ST7: variants seen among roughly 807,000 people sequenced by gnomAD.
ST7 encodes the protein suppression of tumorigenicity 7, also known as suppressor of tumorigenicity 7 protein.
In ST7, 28 loss-of-function variants were observed where a neutral mutation model predicts 78.7. That is an observed-to-expected ratio of 0.36 (90% CI 0.26 to 0.49). The LOEUF is 0.49. ST7 is among the 20% of genes least tolerant of loss of function. ST7 has a pLI of 0.99. For synonymous variants in ST7, 247 were observed against 249.6 expected, an observed-to-expected ratio of 0.99 and a Z score of 0.10; for missense variants, 418 against 696.0, an observed-to-expected ratio of 0.60 and a Z score of 4.49.
chr7:117,010,998 A>G (rs1345508456), intron 1 of ST7, among the ~76,000 whole-genome samples: 1 of 152,162 alleles, frequency 6.6e-6, no homozygotes, highest in Non-Finnish European at 1.5e-5. Context: ...AGCTGTCTCA[A>G]TCAAGTCCTG....
chr7:117,146,795 A>G (rs1805826291), intron 9 of ST7, among the ~76,000 whole-genome samples: 1 of 152,168 alleles, frequency 6.6e-6, no homozygotes, highest in South Asian at 2.1e-4. Context: ...GGGGTGAGAG[A>G]GGTTTTTTGA....
intron 1 of ST7, among the ~76,000 whole-genome samples, chr7:116,970,497 T>A (rs546488241): frequency 1.3e-5 from 2 of 152,304 alleles, no homozygotes; most frequent in African/African-American, 2.4e-5. Context: ...GCAGATGGCC[T>A]TCTCCTTGTG....
rs138091970 is a variant in ST7 at position 117,191,460 on chromosome 7, C to G, written c.1254+524C>G. On this transcript the variant is annotated intron_variant, in intron 12 of 15. Coordinates refer to ENST00000323984, the MANE Select transcript of ST7 (RefSeq NM_001369598.1). Reference sequence around the variant, plus strand: ...AGTGTATATAGTAGAAAATATTTGTCTTAGTTATTAACCACATGGTTGACC... The same window carrying G: ...AGTGTATATAGTAGAAAATATTTGTGTTAGTTATTAACCACATGGTTGACC... Among the ~76,000 whole-genome samples, 598 of 152,194 alleles carry G rather than the reference C, an allele frequency of 3.9e-3. 1 individual carries two copies. Among genetic ancestry groups the G allele is most frequent in the Non-Finnish European group, 6.7e-3 (457 of 67,992 alleles).
At chr7:117,193,105 T>C (rs1809947236) in intron 12 of ST7, among the ~76,000 whole-genome samples, 1 of 151,814 alleles carries the variant, frequency 6.6e-6, no homozygotes, top group African/African-American at 2.4e-5. Flanking sequence ...CACAGATTTC[T>C]AATATACAGT....
chr7:117,055,159 G>A (rs1797997782), intron 1 of ST7, among the ~76,000 whole-genome samples: 2 of 152,026 alleles, frequency 1.3e-5, no homozygotes, highest in African/African-American at 4.8e-5. Flanking sequence ...GGGTACTGTT[G>A]TTATCTCCCA....
chr7:117,215,221 G>C (rs1390821053), intron 13 of ST7, among the ~76,000 whole-genome samples: 1 of 152,064 alleles, frequency 6.6e-6, no homozygotes. Context: ...TTTGACTTTT[G>C]AATTTTCTTT....
chr7:117,131,335 C>T (rs1035110846), intron 5 of ST7, among the ~76,000 whole-genome samples: 2 of 151,752 alleles, frequency 1.3e-5, no homozygotes, highest in Non-Finnish European at 2.9e-5. Context: ...TTGAGCTTCC[C>T]ACCATATGTT....
At chr7:116,976,743 T>C (rs1562988743) in intron 1 of ST7, among the ~76,000 whole-genome samples, 1 of 152,164 alleles carries the variant, frequency 6.6e-6, no homozygotes, top group Non-Finnish European at 1.5e-5. Flanking sequence ...AGGGAGGGTG[T>C]GAAGAATTAT....
intron 12 of ST7, among the ~76,000 whole-genome samples, chr7:117,207,568 A>G (rs1791893371): frequency 6.6e-6 from 1 of 152,222 alleles, no homozygotes. Context: ...ATGAAATGTG[A>G]AAGCCTTTTC....
chr7:117,225,109 G>A (rs942474138), intron 15 of ST7, among the ~76,000 whole-genome samples: 3 of 152,182 alleles, frequency 2.0e-5, no homozygotes, highest in Non-Finnish European at 2.9e-5. Flanking sequence ...GATTGGCAAT[G>A]CAGAGGGAAG....
intron 2 of ST7, among the ~76,000 whole-genome samples, chr7:117,107,236 C>G (rs1042761733): frequency 6.6e-6 from 1 of 152,090 alleles, no homozygotes; most frequent in African/African-American, 2.4e-5. Context: ...CATGCGTGTA[C>G]AAGTATCTTT....
At chr7:117,094,603 C>CTGAT (rs1000448925) in intron 1 of ST7, among the ~76,000 whole-genome samples, 3 of 152,184 alleles carry the variant, frequency 2.0e-5, no homozygotes, top group African/African-American at 7.2e-5. Flanking sequence ...CAGCTATAGA[C>CTGAT]TGATGTTAAG....
At position 117,132,521 on chromosome 7, in the gene ST7, T is replaced by C. The variant is rs529505861; in HGVS notation, c.641+561T>C. On this transcript the variant is annotated intron_variant, in intron 6 of 15. Coordinates refer to ENST00000323984, the MANE Select transcript of ST7 (RefSeq NM_001369598.1). ...AGAAAGATTCTTAAAGTTGGAGTCA[T>C]AAAAACTCAGGGTTGGCAGAGACCT... Among the ~76,000 whole-genome samples, 8 of 151,984 alleles carry C rather than the reference T, an allele frequency of 5.3e-5. No homozygotes were observed. The South Asian group carries it at 1.7e-3, about 31-fold the overall frequency.
At chr7:117,145,851 T>A (rs1444129927) in intron 9 of ST7, among the ~76,000 whole-genome samples, 1 of 152,180 alleles carries the variant, frequency 6.6e-6, no homozygotes, top group East Asian at 1.9e-4. Context: ...GCTAAAAACA[T>A]GTTTTGTATG....
intron 1 of ST7, among the ~76,000 whole-genome samples, chr7:116,979,134 A>C (rs1015102607): frequency 2.6e-5 from 4 of 152,116 alleles, no homozygotes; most frequent in African/African-American, 9.7e-5. Context: ...GAGCCTGGAG[A>C]AAACGCTCTG....
chr7:117,174,069 G>T (rs1808190058), intron 10 of ST7, among the ~76,000 whole-genome samples: 1 of 152,148 alleles, frequency 6.6e-6, no homozygotes, highest in Admixed American at 6.5e-5. Flanking sequence ...TCCCCACAAA[G>T]ATTACCAGTT....
At position 117,138,443 on chromosome 7, in the gene ST7, A is replaced by G; in HGVS notation, c.874A>G (p.Thr292Ala). Residue 292 changes from threonine (T) to alanine (A), a missense_variant, in exon 9 of 16, where the codon ACC (threonine) becomes GCC (alanine). This residue lies in a region of ST7 where 288 missense variants were observed against 537.1 expected (regional missense o/e 0.54). Transcript: ENST00000323984. ...SQYEAQHRRDTNVLVYIKRRL... is the reference protein window; with the variant it reads ...SQYEAQHRRDANVLVYIKRRL... ...TATATCTCCCTCTTCAGGACGAGAC[A>G]CCAATGTCTTGGTGTACATCAAAAG... is the stretch of plus-strand genomic sequence containing the variant. 1 of 1,603,782 alleles carries G rather than the reference A, an allele frequency of 6.2e-7. No individual in the cohort carries two copies. Among genetic ancestry groups the G allele is most frequent in the South Asian group, 1.1e-5 (1 of 89,546 alleles).
At chr7:117,145,697 T>C (rs1327740292) in intron 9 of ST7, 5 of 152,196 alleles carry the variant, frequency 3.3e-5, no homozygotes, top group African/African-American at 4.8e-5. Context: ...AGGGTCACAT[T>C]CATAGGTACT....
At chr7:117,220,612 A>G (rs932694577) in intron 14 of ST7, among the ~76,000 whole-genome samples, 2 of 152,254 alleles carry the variant, frequency 1.3e-5, no homozygotes, top group Non-Finnish European at 2.9e-5. Flanking sequence ...TAAGCCTGAA[A>G]TAGGAAATTA....
Sources: gnomAD v4.1 joint callset for allele counts (sites outside exome capture counted in the v4.1 genomes callset) on GRCh38, gnomAD v4.1.1 for gene constraint, gnomAD v4.1.1 regional missense constraint, MANE v1.5 for transcripts, NCBI Gene and HGNC (gene_info 2026-07-23, HGNC 2026-07-21) for gene names.